ACACA: variants seen among roughly 807,000 people sequenced by gnomAD.
The protein encoded by ACACA is acetyl-CoA carboxylase alpha, also known as acetyl-CoA carboxylase 1.
Under a neutral mutation model 296.1 loss-of-function variants are expected in ACACA, and 103 were observed. That is an observed-to-expected ratio of 0.35 (90% CI 0.30 to 0.41). The LOEUF (loss-of-function observed/expected upper bound fraction) is 0.41, where lower values mean the gene tolerates loss of function less well. Among genes scored for constraint, ACACA ranks in the 10% least tolerant of loss-of-function variants. ACACA has a pLI of 1.00. For missense variants in ACACA, 1,554 were observed against 2,989.7 expected, an observed-to-expected ratio of 0.52 and a Z score of 11.20; for synonymous variants, 953 against 1,038.6, an observed-to-expected ratio of 0.92 and a Z score of 1.58.
chr17:37,390,465 A>G (rs1473607112), intron 1 of ACACA, among the ~76,000 whole-genome samples: 1 of 146,088 alleles, frequency 6.8e-6, no homozygotes, highest in African/African-American at 2.5e-5. Flanking sequence ...TGTCTCTACT[A>G]AAAATACAAA....
rs184876771 is a variant in ACACA, at chr17:37,265,477, T to C, written c.1120-1583A>G. On this transcript the variant is annotated intron_variant, in intron 10 of 55. Transcript: ENST00000616317. Reference sequence around the variant, plus strand: ...GAAAATGAGGTTCCTTGGGTGCAACTCCTCAGGTACAGTTTCTCTTGATCC... The same window carrying C: ...GAAAATGAGGTTCCTTGGGTGCAACCCCTCAGGTACAGTTTCTCTTGATCC... Among the ~76,000 whole-genome samples the C allele has an allele frequency of 1.1e-3, 168 of 152,234 alleles. 1 individual carries two copies. The highest frequency in any genetic ancestry group is 4.2e-3 in the Admixed American group (64 of 15,286).
intron 1 of ACACA, among the ~76,000 whole-genome samples, chr17:37,396,925 A>C (rs562773332): frequency 6.6e-6 from 1 of 152,286 alleles, no homozygotes; most frequent in South Asian, 2.1e-4. Context: ...TCTAGGGTAC[A>C]TGTGCACAAT....
At chr17:37,282,692 T>C (rs906207703) in intron 5 of ACACA, among the ~76,000 whole-genome samples, 4 of 152,202 alleles carry the variant, frequency 2.6e-5, no homozygotes, top group Non-Finnish European at 4.4e-5. Context: ...TAAGAGATTA[T>C]ACCTTAGTGA....
Position 37,245,154 on chromosome 17 carries a change from G to T in ACACA, c.2521C>A (p.Arg841=), listed in dbSNP as rs769364634. ...CCAGGGTCAAGAGCTGCTCCAGGTC[G>T]CTTGACGTAATGGATACAGCCAGAC... ...VESGCIHYVK[R]PGAALDPGCV... Residue 841 remains arginine (R), a synonymous_variant, in exon 20 of 56, where the codon CGA becomes AGA. Transcript: ENST00000616317. 9 of 1,614,060 alleles carry T rather than the reference G, an allele frequency of 5.6e-6. No homozygotes were observed. The highest frequency in any genetic ancestry group is 1.7e-4 in the Middle Eastern group (1 of 6,058).
At chr17:37,241,530 C>T (rs1184502157) in intron 23 of ACACA, among the ~76,000 whole-genome samples, 1 of 151,978 alleles carries the variant, frequency 6.6e-6, no homozygotes, top group East Asian at 1.9e-4. Flanking sequence ...CATGGCAAAA[C>T]CCCAGCTCTT....
intron 42 of ACACA, 144 bp from the exon 43 acceptor site, chr17:37,155,924 C>T (rs2076223873): frequency 2.1e-5 from 14 of 655,940 alleles, no homozygotes; most frequent in Admixed American, 1.6e-4. Flanking sequence ...TAACAGAATA[C>T]TAGCACAGAC....
chr17:37,221,833 G>A lies in ACACA; in HGVS notation c.3574C>T (p.Arg1192Ter), dbSNP rs2079307786. Residue 1192 changes from arginine (R) to a stop codon, truncating the protein, a stop_gained, in exon 29 of 56, where the codon CGA becomes TGA. Coordinates refer to ENST00000616317, the MANE Select transcript of ACACA (RefSeq NM_198834.3). LOFTEE classifies it high-confidence loss of function. Reference sequence around the variant, plus strand: ...AGTTCATAGGCAATATAAGCCCTTCGAACATACACCTGGTTCAAAAGAAAC... The same window carrying A: ...AGTTCATAGGCAATATAAGCCCTTCAAACATACACCTGGTTCAAAAGAAAC... The part of the protein sequence containing the change: ...VRMAALEVYV[R>*]RAYIAYELNS... 1.9e-6 allele frequency: 3 copies of A among 1,612,464 alleles called. No individual in the cohort carries two copies. Among genetic ancestry groups the A allele is most frequent in the African/African-American group, 1.3e-5 (1 of 74,838 alleles).
intron 10 of ACACA, among the ~76,000 whole-genome samples, chr17:37,268,778 C>T (rs1246143257): frequency 4.7e-5 from 6 of 128,566 alleles, no homozygotes; most frequent in African/African-American, 1.3e-4. Flanking sequence ...TCTGGTTCAG[C>T]TTTTCTAGTT....
chr17:37,260,277 TATATATATA>T (rs2081415473), intron 11 of ACACA, among the ~76,000 whole-genome samples: 5 of 31,850 alleles, frequency 1.6e-4, no homozygotes, highest in African/African-American at 7.7e-4. Flanking sequence ...TATATATATA[TATATATATA>T]TATATATATA....
At chr17:37,218,539 CTGT>C (rs150682852) in intron 29 of ACACA, among the ~76,000 whole-genome samples, 136 of 152,288 alleles carry the variant, frequency 8.9e-4, no homozygotes, top group Middle Eastern at 3.4e-3. Context: ...TCAATTATAG[CTGT>C]TCATCAGAGT....
At chr17:37,279,768 G>A (rs1465469121) in intron 5 of ACACA, among the ~76,000 whole-genome samples, 4 of 152,032 alleles carry the variant, frequency 2.6e-5, no homozygotes, top group East Asian at 1.9e-4. Context: ...CCGAGATTGC[G>A]CCACTGCACT....
intron 3 of ACACA, among the ~76,000 whole-genome samples, chr17:37,312,973 AC>A (rs1305700587): frequency 6.6e-6 from 1 of 152,210 alleles, no homozygotes. Flanking sequence ...ATATCCTGGA[AC>A]CCAAATTCAA....
chr17:37,338,971 G>GAGAGGGAGGGAAAAGGGGA (rs1206190207), intron 2 of ACACA, among the ~76,000 whole-genome samples: 1 of 74,776 alleles, frequency 1.3e-5, no homozygotes, highest in African/African-American at 1.5e-4. Context: ...AAAAAAGGCA[G>GAGAGGGAGGGAAAAGGGGA]AGAGGGAGGG....
chr17:37,287,580 A>AC (rs1214553824), intron 3 of ACACA, among the ~76,000 whole-genome samples: 1 of 145,818 alleles, frequency 6.9e-6, no homozygotes, highest in African/African-American at 2.6e-5. Context: ...AAAAAAAAAA[A>AC]AAAAAAAAAA....
At chr17:37,351,858 T>C (rs1479738260) in intron 1 of ACACA, among the ~76,000 whole-genome samples, 1 of 151,864 alleles carries the variant, frequency 6.6e-6, no homozygotes, top group Non-Finnish European at 1.5e-5. Context: ...CAGCCTCTTC[T>C]AATTGTTTTA....
chr17:37,362,772 G>A (rs193135598), intron 1 of ACACA, among the ~76,000 whole-genome samples: 1 of 152,044 alleles, frequency 6.6e-6, no homozygotes, highest in Middle Eastern at 3.2e-3. Context: ...TCAGGATATC[G>A]AGACCATCCT....
In ACACA at chr17:37,243,351, T is replaced by C. The variant is rs780783778; in HGVS notation, c.2931+20A>G. On this transcript the variant is annotated intron_variant, in intron 22 of 55. Transcript: ENST00000616317. ...TGGCATTGGTAGCCAGAAAAAAATA[T>C]AGTGTTATCCTATAAATACCTGCTG... 6.2e-6 allele frequency: 10 copies of C among 1,610,520 alleles called. No individual in the cohort carries two copies. In the East Asian group the frequency reaches 1.6e-4, roughly 25 times the overall value.
At chr17:37,239,076 G>A (rs952758842) in intron 24 of ACACA, among the ~76,000 whole-genome samples, 7 of 151,980 alleles carry the variant, frequency 4.6e-5, no homozygotes, top group Non-Finnish European at 7.4e-5. Context: ...CAATCCTCCT[G>A]TCCTGGCCTC....
At chr17:37,166,594 A>C (rs928271898) in intron 41 of ACACA, among the ~76,000 whole-genome samples, 1 of 152,236 alleles carries the variant, frequency 6.6e-6, no homozygotes, top group African/African-American at 2.4e-5. Context: ...CCATTAATTG[A>C]ACATTTACTA....
Sources: allele counts gnomAD v4.1 joint callset (sites outside exome capture counted in the v4.1 genomes callset), GRCh38; gene constraint gnomAD v4.1.1; transcripts MANE v1.5; gene names NCBI Gene and HGNC (gene_info 2026-07-23, HGNC 2026-07-21).